Variants in CD86 observed in about 807,000 individuals in gnomAD.
CD86 encodes the protein T-lymphocyte activation antigen CD86.
A neutral mutation model predicts 32.1 loss-of-function variants in CD86; 11 were observed. That is an observed-to-expected ratio of 0.34 (90% CI 0.22 to 0.57). CD86 has a LOEUF of 0.57. Among genes scored for constraint, CD86 ranks in the 20% least tolerant of loss-of-function variants. The probability of loss-of-function intolerance (pLI) is 0.86; values close to 1 mark genes in which losing one functional copy is unlikely to be tolerated. For missense variants in CD86, 359 were observed against 398.4 expected, an observed-to-expected ratio of 0.90 and a Z score of 0.84; for synonymous variants, 137 against 135.3, an observed-to-expected ratio of 1.01 and a Z score of -0.09.
chr3:122,059,836 G>C (rs992789166), intron 1 of CD86, among the ~76,000 whole-genome samples: 2 of 152,106 alleles, frequency 1.3e-5, no homozygotes, highest in Non-Finnish European at 2.9e-5. Context: ...CAATTGTTGT[G>C]CTTATTGTAA....
At chr3:122,066,557 T>C (rs2072415817) in intron 1 of CD86, among the ~76,000 whole-genome samples, 1 of 152,198 alleles carries the variant, frequency 6.6e-6, no homozygotes, top group African/African-American at 2.4e-5. Context: ...CAAAACCCTC[T>C]GAAAGGCAGT....
chr3:122,104,325 A>G (rs1335084560), intron 3 of CD86, among the ~76,000 whole-genome samples: 3 of 152,124 alleles, frequency 2.0e-5, no homozygotes, highest in African/African-American at 7.2e-5. Flanking sequence ...TAGGTTGCTT[A>G]TGAGTTGTTT....
intron 2 of CD86, among the ~76,000 whole-genome samples, chr3:122,094,560 C>T (rs1357203687): frequency 2.0e-5 from 3 of 152,298 alleles, no homozygotes; most frequent in East Asian, 3.9e-4. Flanking sequence ...TCAGGGCACA[C>T]CTCTGCTTAC....
intron 1 of CD86, among the ~76,000 whole-genome samples, chr3:122,086,107 G>GTGCCAGGT (rs1386930375): frequency 2.0e-5 from 3 of 152,234 alleles, no homozygotes; most frequent in Non-Finnish European, 2.9e-5. Context: ...CTTCTCTTTA[G>GTGCCAGGT]TGCCAGGTGG....
At chr3:122,092,964 A>G (rs9836399) in intron 2 of CD86, among the ~76,000 whole-genome samples, 80,742 of 151,834 alleles carry the variant, frequency 0.53, 21,854 homozygotes, top group Admixed American at 0.66. Context: ...CCTTGAGTGC[A>G]AGGTCTGTAG....
At chr3:122,111,857 AAACT>A (rs2073179193) in intron 5 of CD86, among the ~76,000 whole-genome samples, 2 of 152,320 alleles carry the variant, frequency 1.3e-5, no homozygotes, top group South Asian at 2.1e-4. Context: ...GACGGTCCTC[AAACT>A]AACTAACTTG....
At chr3:122,118,237 G>T in intron 6 of CD86, 144 bp downstream of exon 6, 2 of 676,182 alleles carry the variant, frequency 3.0e-6, no homozygotes, top group South Asian at 1.8e-5. Flanking sequence ...AACTAGTTAA[G>T]AACTGGAAGA....
chr3:122,082,333 C>T (rs979685280), intron 1 of CD86, among the ~76,000 whole-genome samples: 1 of 152,222 alleles, frequency 6.6e-6, no homozygotes, highest in Non-Finnish European at 1.5e-5. Context: ...CATGGAAGGG[C>T]CCTTACATAT....
At chr3:122,059,237 T>A (rs748075292) in intron 1 of CD86, among the ~76,000 whole-genome samples, 1 of 152,042 alleles carries the variant, frequency 6.6e-6, no homozygotes, top group East Asian at 1.9e-4. Flanking sequence ...TCATTGTGGG[T>A]CAATTCAGTA....
intron 1 of CD86, among the ~76,000 whole-genome samples, chr3:122,056,686 T>C (rs1417416802): frequency 6.6e-6 from 1 of 152,228 alleles, no homozygotes; most frequent in Non-Finnish European, 1.5e-5. Flanking sequence ...AACTTTCATC[T>C]ACCCAGTGCT....
chr3:122,059,909 A>G (rs2072303278), intron 1 of CD86, among the ~76,000 whole-genome samples: 1 of 152,186 alleles, frequency 6.6e-6, no homozygotes, highest in African/African-American at 2.4e-5. Context: ...CCATCCACAT[A>G]CAAGCCAGAG....
intron 1 of CD86, among the ~76,000 whole-genome samples, chr3:122,080,615 G>A (rs1263892958): frequency 6.6e-6 from 1 of 152,192 alleles, no homozygotes; most frequent in Non-Finnish European, 1.5e-5. Context: ...CCTCATGTCT[G>A]TATGGAAACA....
intron 2 of CD86, among the ~76,000 whole-genome samples, chr3:122,102,218 ATC>A (rs1414566560): frequency 1.3e-5 from 2 of 151,856 alleles, no homozygotes; most frequent in African/African-American, 4.8e-5. Context: ...AGCTCCTCTC[ATC>A]TCTCTCATCA....
chr3:122,103,366 A>C, intron 2 of CD86, 146 bp from the exon 3 acceptor site: 1 of 616,970 alleles, frequency 1.6e-6, no homozygotes, highest in Non-Finnish European at 2.8e-6. Flanking sequence ...GATGCCAAGC[A>C]GATGTGCACA....
At chr3:122,083,396 C>G (rs1252400795) in intron 1 of CD86, among the ~76,000 whole-genome samples, 1 of 152,182 alleles carries the variant, frequency 6.6e-6, no homozygotes, top group Non-Finnish European at 1.5e-5. Context: ...CGTACCTTCT[C>G]TCACGTGCCC....
At chr3:122,091,857 T>G in intron 2 of CD86, 1 of 555,164 alleles carries the variant, frequency 1.8e-6, no homozygotes, top group Non-Finnish European at 3.2e-6. Flanking sequence ...GATGGAGCTC[T>G]CCCCCCCGTG....
intron 4 of CD86, among the ~76,000 whole-genome samples, chr3:122,107,812 A>T (rs374019106): frequency 6.6e-6 from 1 of 152,198 alleles, no homozygotes; most frequent in Admixed American, 6.5e-5. Flanking sequence ...GTCCCCATGA[A>T]CCAACTTTAC....
At chr3:122,098,420 A>T (rs1378483966) in intron 2 of CD86, among the ~76,000 whole-genome samples, 1 of 152,148 alleles carries the variant, frequency 6.6e-6, no homozygotes, top group Non-Finnish European at 1.5e-5. Flanking sequence ...AGGAATGTCA[A>T]GGGAGGCAGT....
intron 1 of CD86, among the ~76,000 whole-genome samples, chr3:122,080,062 G>A (rs1285765072): frequency 1.3e-5 from 2 of 152,104 alleles, no homozygotes; most frequent in Non-Finnish European, 2.9e-5. Flanking sequence ...CACAGTATGG[G>A]GAGAGAAGGC....
Sources: allele counts gnomAD v4.1 joint callset (sites outside exome capture counted in the v4.1 genomes callset), GRCh38; gene constraint gnomAD v4.1.1; transcripts MANE v1.5; gene names NCBI Gene and HGNC (gene_info 2026-07-23, HGNC 2026-07-21).